The following TULP1 variants were observed in gnomAD, a reference collection of about 807,000 sequenced individuals.
TULP1 encodes TUB like protein 1.
A neutral mutation model predicts 67.1 loss-of-function variants in TULP1; 50 were observed. The ratio of observed to expected loss-of-function variants is 0.75; its 90% CI spans 0.59 to 0.94. TULP1 has a LOEUF of 0.94. TULP1 is among the 40% of genes least tolerant of loss of function. The pLI, the probability that TULP1 is intolerant of heterozygous loss-of-function variation, is 0.00. For missense variants in TULP1, 746 were observed against 734.1 expected (o/e 1.02, Z -0.19); for synonymous variants, 297 against 294.0 (o/e 1.01, Z -0.11).
chr6:35,506,649 C>T (rs551730718), intron 8 of TULP1, among the ~76,000 whole-genome samples: 15 of 152,278 alleles, frequency 9.9e-5, no homozygotes, highest in African/African-American at 2.6e-4. Context: ...CAAGTACTTT[C>T]GAAATATTTA....
chr6:35,512,194 G>T lies in TULP1; in HGVS notation c.176C>A (p.Pro59His). 1 of 1,347,196 alleles carries T rather than the reference G, an allele frequency of 7.4e-7. No individual in the cohort carries two copies. The allele number at this position is 1,347,196 out of a possible 1,614,324, so 83.5% of individuals were successfully genotyped here. A position where few individuals can be genotyped will look rare whatever the true frequency, so the allele number is the denominator to read the frequency against. Residue 59 changes from proline (P) to histidine (H), a missense_variant, in exon 3 of 15, where the codon CCC (proline) becomes CAC (histidine). Physicochemically the swap from Pro to His is moderately conservative, Grantham distance 77 (BLOSUM62 -2). Coordinates refer to ENST00000229771, the MANE Select transcript of TULP1 (RefSeq NM_003322.6). ...ACCCCGCCCACCTCCGGGCTTCCGG[G>T]GCTTGGATCCCGTGGGGCAGGGGGA... ...PESPCPTGSK[P>H]RKPGAGRTGR...
At chr6:35,510,233 C>T (rs1351356026) in intron 5 of TULP1, among the ~76,000 whole-genome samples, 3 of 152,054 alleles carry the variant, frequency 2.0e-5, no homozygotes, top group African/African-American at 7.2e-5. Context: ...TTTGTATTGA[C>T]TTCTGCTCAT....
rs1211781531 is a variant in TULP1, at chr6:35,503,875, G to A, written c.1113-27C>T. On this transcript the variant is annotated intron_variant, in intron 11 of 14. Transcript: ENST00000229771. The surrounding 1 kb of genome is among the most constrained non-coding windows in gnomAD (Gnocchi z 4.0). ...TGCAAGCAGGGTAGAGCTTGGGGTG[G>A]GGCTGAGGGGATCCTACATCCCTGC... is the stretch of plus-strand genomic sequence containing the variant. The A allele has an allele frequency of 1.3e-6, 2 of 1,558,460 alleles. No individual in the cohort carries two copies. Among genetic ancestry groups the A allele is most frequent in the Non-Finnish European group, 1.7e-6 (2 of 1,147,596 alleles).
At chr6:35,508,693 G>A (rs1014989299) in intron 8 of TULP1, among the ~76,000 whole-genome samples, 8 of 152,214 alleles carry the variant, frequency 5.3e-5, no homozygotes, top group African/African-American at 1.9e-4. Context: ...GGTAAGCTTG[G>A]AGGAGAAACA....
rs774507811 is a variant in TULP1 at position 35,512,655 on chromosome 6, G to A, written c.83C>T (p.Pro28Leu). 4 of 1,613,926 alleles carry A rather than the reference G, an allele frequency of 2.5e-6. No homozygotes were observed. The highest frequency in any genetic ancestry group is 2.2e-5 in the East Asian group (1 of 44,824). Reference sequence around the variant, plus strand: ...GTGGCATACCTGTTTGGGGCGCCGCGGGGCCTCCGGGCTCAGGCTTTCTTC... The same window carrying A: ...GTGGCATACCTGTTTGGGGCGCCGCAGGGCCTCCGGGCTCAGGCTTTCTTC... ...HEEESLSPEA[P>L]RRPKQRPAPA... Residue 28 changes from proline to leucine, a missense_variant, in exon 2 of 15, where the codon CCG (proline) becomes CTG (leucine). By Grantham distance (98) the Pro-to-Leu change is moderately conservative. Transcript: ENST00000229771.
chr6:35,505,660 C>T (rs186202908), intron 11 of TULP1, 81 bp downstream of exon 11: 2 of 1,580,262 alleles, frequency 1.3e-6, no homozygotes, highest in Admixed American at 3.7e-5. Context: ...GGGTGCTCTA[C>T]CAGGCACAGC....
rs1309823442 is a variant in TULP1 at position 35,512,284 on chromosome 6, G to T, written c.100-14C>A. On this transcript the variant is annotated splice_polypyrimidine_tract_variant and intron_variant, in intron 2 of 14. Coordinates refer to ENST00000229771, the MANE Select transcript of TULP1 (RefSeq NM_003322.6). Reference sequence around the variant, plus strand: ...CGGGGCGGGTCGCTGCGGAACGGGGGTCAAGAGGAGGTCGAGGAAGGAAAG... The same window carrying T: ...CGGGGCGGGTCGCTGCGGAACGGGGTTCAAGAGGAGGTCGAGGAAGGAAAG... 2.9e-6 allele frequency: 4 copies of T among 1,369,710 alleles called. No individual in the cohort carries two copies. The highest frequency in any genetic ancestry group is 3.8e-6 in the Non-Finnish European group (4 of 1,046,698). 84.8% of individuals were successfully genotyped at this position (1,369,710 alleles called of 1,614,324 possible). A position where few individuals can be genotyped will look rare whatever the true frequency, so the allele number is the denominator to read the frequency against.
At chr6:35,505,972 A>G in intron 10 of TULP1, 31 bp downstream of exon 10, 1 of 1,613,480 alleles carries the variant, frequency 6.2e-7, no homozygotes. Flanking sequence ...ATCCCTCCAC[A>G]CTCCCTCCTC....
At chr6:35,507,187 C>T (rs1323205572) in intron 8 of TULP1, among the ~76,000 whole-genome samples, 1 of 132,050 alleles carries the variant, frequency 7.6e-6, no homozygotes, top group Non-Finnish European at 1.6e-5. Context: ...GCTGCCATGC[C>T]ATAAGAACAC....
At chr6:35,504,621 C>A (rs1165672579) in intron 11 of TULP1, among the ~76,000 whole-genome samples, 2 of 152,038 alleles carry the variant, frequency 1.3e-5, no homozygotes, top group Non-Finnish European at 1.5e-5. Context: ...AGTGCAGTGG[C>A]ATGATCTCTG....
chr6:35,510,883 C>T lies in TULP1; in HGVS notation c.477G>A (p.Arg159=). The part of the protein sequence containing the change: ...EKSSADLKER[R]AKAQGPRGDL... ...CACCCCTTGGGCCCTGGGCCTTGGC[C>T]CTCCTCTCCTTCAGGTCTGCGGAGC... is the stretch of plus-strand genomic sequence containing the variant. Residue 159 remains arginine, a synonymous_variant, in exon 5 of 15, where the codon AGG becomes AGA. Transcript: ENST00000229771. 1.2e-6 allele frequency: 2 copies of T among 1,614,002 alleles called. No individual in the cohort carries two copies. The highest frequency in any genetic ancestry group is 1.1e-5 in the South Asian group (1 of 91,080).
intron 3 of TULP1, 148 bp from the exon 4 acceptor site, chr6:35,511,954 T>C: frequency 1.1e-6 from 1 of 930,590 alleles, no homozygotes. Context: ...TTTCAACACT[T>C]CTCCCCGGCT....
rs140338175 is a variant in TULP1, at chr6:35,507,054, A to G, written c.823-775T>C. 9.1e-3 allele frequency among the ~76,000 whole-genome samples: 1,383 copies of G among 152,038 alleles called. 7 individuals are homozygous for G. The highest frequency in any genetic ancestry group is 0.016 in the Non-Finnish European group (1,079 of 67,956). ...GTGTAGTCTCCTCCCACTGCATACC[A>G]GGGTTGGTCCCTGTGACCAGTAGAA... On this transcript the variant is annotated intron_variant, in intron 8 of 14. Transcript: ENST00000229771.
intron 8 of TULP1, 96 bp from the exon 9 acceptor site, chr6:35,506,375 A>G: frequency 6.7e-7 from 1 of 1,496,764 alleles, no homozygotes; most frequent in Non-Finnish European, 9.1e-7. Context: ...GCAGCCCGGC[A>G]CGGCCAAGTT....
Position 35,509,906 on chromosome 6 carries a change from G to A in TULP1, c.522C>T (p.Pro174=), listed in dbSNP as rs1249033539. 3.7e-6 allele frequency: 6 copies of A among 1,613,692 alleles called. No individual in the cohort carries two copies. Among genetic ancestry groups the A allele is most frequent in the Non-Finnish European group, 5.1e-6 (6 of 1,180,010 alleles). ...GPRGDLGSPD[P]PPKPLRVRNK... ...TCCTAACACGCAGAGGTTTCGGTGGGGGGTCAGGGCTTCCCAGGTCTCCTG... is the reference window on the plus strand; with the variant it reads ...TCCTAACACGCAGAGGTTTCGGTGGAGGGTCAGGGCTTCCCAGGTCTCCTG... The change falls in exon 6 of 15, where the codon CCC becomes CCT. Residue 174 remains proline, a synonymous_variant. Transcript: ENST00000229771.
At chr6:35,509,091 G>A (rs1761139075) in intron 8 of TULP1, 118 bp downstream of exon 8, 3 of 878,066 alleles carry the variant, frequency 3.4e-6, no homozygotes, top group Non-Finnish European at 5.8e-6. Context: ...TCACAAGAGG[G>A]GGAGCCAAGG....
intron 8 of TULP1, 92 bp from the exon 9 acceptor site, chr6:35,506,371 C>G: frequency 6.6e-7 from 1 of 1,511,752 alleles, no homozygotes; most frequent in Non-Finnish European, 9.0e-7. Context: ...CCTGGCAGCC[C>G]GGCACGGCCA....
chr6:35,510,507 T>C (rs1761173701), intron 5 of TULP1, among the ~76,000 whole-genome samples: 1 of 152,210 alleles, frequency 6.6e-6, no homozygotes, highest in Non-Finnish European at 1.5e-5. Context: ...ACAGCATTGA[T>C]TCATTGATTT....
rs1768801090 is a variant in TULP1 at position 35,500,085 on chromosome 6, T to A, written c.1391A>T (p.Lys464Met). 6.2e-7 allele frequency: 1 copy of A among 1,614,054 alleles called. No individual in the cohort carries two copies. Among genetic ancestry groups the A allele is most frequent in the African/African-American group, 1.3e-5 (1 of 74,910 alleles). Reference protein sequence around the residue: ...TLESLIELHNKPPVWNDDSGS... With the variant: ...TLESLIELHNMPPVWNDDSGS... ...ACTGTCATCGTTCCAGACAGGTGGC[T>A]TGTTGTGCAGTTCTATGAGGCTCTC... The change falls in exon 14 of 15, where the codon AAG becomes ATG. Residue 464 changes from lysine (K) to methionine (M), a missense_variant. Physicochemically the swap from Lys to Met is moderately conservative, Grantham distance 95 (BLOSUM62 -1). This residue lies in a region of TULP1 where 383 missense variants were observed against 374.1 expected (regional missense o/e 1.02). Transcript: ENST00000229771.
Sources: gnomAD v4.1 joint callset for allele counts (sites outside exome capture counted in the v4.1 genomes callset) on GRCh38, gnomAD v4.1.1 for gene constraint, gnomAD v4.1.1 regional missense constraint, Gnocchi (gnomAD v3.1) non-coding constraint, MANE v1.5 for transcripts, NCBI Gene and HGNC (gene_info 2026-07-23, HGNC 2026-07-21) for gene names.